The following GRID2 variants were observed in gnomAD, a reference collection of about 807,000 sequenced individuals.
GRID2 encodes the protein glutamate receptor ionotropic, delta-2.
A neutral mutation model predicts 114.8 loss-of-function variants in GRID2; 33 were observed. The observed-to-expected ratio is 0.29, with a 90% confidence interval of 0.22 to 0.38. The LOEUF (loss-of-function observed/expected upper bound fraction) is 0.38, where lower values mean the gene tolerates loss of function less well. Ranked by LOEUF, GRID2 falls within the 10% of genes least tolerant of loss-of-function variation. The pLI is 1.00. For missense variants in GRID2, 1,184 were observed against 1,257.7 expected, an observed-to-expected ratio of 0.94 and a Z score of 0.89; for synonymous variants, 505 against 449.9, an observed-to-expected ratio of 1.12 and a Z score of -1.55.
chr4:93,809,265 T>G (rs2110374606), exon 2 of GRID2: 1 of 152,312 alleles, frequency 6.6e-6, no homozygotes, highest in South Asian at 2.1e-4. Flanking sequence ...CTGATCCAAT[T>G]TGAGTTCAGT....
intron 3 of GRID2, among the ~76,000 whole-genome samples, chr4:93,099,237 A>G (rs1434708800): frequency 1.3e-5 from 2 of 151,896 alleles, no homozygotes; most frequent in East Asian, 1.9e-4. Flanking sequence ...AATCTTACTT[A>G]TAAGAAAAAT....
At chr4:93,282,816 T>C (rs1023973294) in intron 8 of GRID2, among the ~76,000 whole-genome samples, 4 of 151,980 alleles carry the variant, frequency 2.6e-5, no homozygotes, top group African/African-American at 9.7e-5. Context: ...CTGCTTTTGG[T>C]GAGGGGCTCA....
chr4:93,025,806 G>A (rs1723831808), intron 2 of GRID2, among the ~76,000 whole-genome samples: 1 of 151,514 alleles, frequency 6.6e-6, no homozygotes, highest in South Asian at 2.1e-4. Context: ...ACTGAAATTT[G>A]AACCATGATA....
chr4:92,909,690 G>T (rs1748224663), intron 2 of GRID2, among the ~76,000 whole-genome samples: 1 of 151,854 alleles, frequency 6.6e-6, no homozygotes, highest in African/African-American at 2.4e-5. Context: ...GAGCTCCTTG[G>T]GATGTCTATA....
intron 1 of GRID2, among the ~76,000 whole-genome samples, chr4:92,362,719 T>C (rs982699069): frequency 6.6e-6 from 1 of 152,036 alleles, no homozygotes; most frequent in African/African-American, 2.4e-5. Context: ...CTAAGAAGTT[T>C]TAAATCAAAA....
At chr4:92,928,617 G>A (rs1020138519) in intron 2 of GRID2, among the ~76,000 whole-genome samples, 4 of 151,506 alleles carry the variant, frequency 2.6e-5, no homozygotes, top group Admixed American at 6.6e-5. Context: ...GCATTCTTGT[G>A]ATTTATTTAA....
chr4:93,427,178 A>G (rs1312283364), intron 10 of GRID2, among the ~76,000 whole-genome samples: 1 of 152,058 alleles, frequency 6.6e-6, no homozygotes, highest in African/African-American at 2.4e-5. Context: ...ATTCAATTAC[A>G]TAATGATACT....
At chr4:93,696,368 T>C (rs1346893972) in intron 14 of GRID2, among the ~76,000 whole-genome samples, 1 of 152,214 alleles carries the variant, frequency 6.6e-6, no homozygotes, top group Non-Finnish European at 1.5e-5. Flanking sequence ...TTAACACTTT[T>C]AAAACTTATC....
chr4:93,014,167 A>G (rs959607656), intron 2 of GRID2, among the ~76,000 whole-genome samples: 5 of 152,106 alleles, frequency 3.3e-5, no homozygotes, highest in African/African-American at 4.8e-5. Context: ...TCAGGCTGCT[A>G]TGACAAAATA....
intron 2 of GRID2, among the ~76,000 whole-genome samples, chr4:92,851,605 G>A (rs1578309268): frequency 6.6e-6 from 1 of 151,812 alleles, no homozygotes; most frequent in African/African-American, 2.4e-5. Context: ...ATGCAAAAGA[G>A]GCATATCAAA....
intron 4 of GRID2, among the ~76,000 whole-genome samples, chr4:93,142,831 T>C (rs895215110): frequency 4.6e-5 from 7 of 152,230 alleles, no homozygotes; most frequent in Admixed American, 2.0e-4. Flanking sequence ...AAAAGTTTGC[T>C]GGATACTGTT....
chr4:93,443,484 A>G, intron 10 of GRID2, among the ~76,000 whole-genome samples: 1 of 152,070 alleles, frequency 6.6e-6, no homozygotes, highest in Middle Eastern at 3.4e-3. Context: ...TACAGAAACC[A>G]TAAGGCAAAA....
chr4:92,316,491 T>C (rs1413640988), intron 1 of GRID2, among the ~76,000 whole-genome samples: 6 of 152,180 alleles, frequency 3.9e-5, no homozygotes, highest in East Asian at 1.9e-4. Context: ...CATATCAATT[T>C]AGGGTTACAT....
intron 2 of GRID2, among the ~76,000 whole-genome samples, chr4:92,678,317 G>A (rs762151270): frequency 1.3e-5 from 2 of 152,004 alleles, no homozygotes; most frequent in African/African-American, 2.4e-5. Context: ...TTCGATAAGG[G>A]CAGGATTTTT....
intron 1 of GRID2, among the ~76,000 whole-genome samples, chr4:92,307,783 A>G (rs930387924): frequency 1.3e-5 from 2 of 152,196 alleles, no homozygotes; most frequent in African/African-American, 2.4e-5. Flanking sequence ...ATACACAACC[A>G]TATAGTATTT....
At chr4:92,376,346 T>C (rs1203082198) in intron 1 of GRID2, among the ~76,000 whole-genome samples, 1 of 152,048 alleles carries the variant, frequency 6.6e-6, no homozygotes, top group African/African-American at 2.4e-5. Context: ...AATGACCTCC[T>C]TCATATCTCA....
At chr4:93,567,194 C>T (rs1735507532) in intron 13 of GRID2, among the ~76,000 whole-genome samples, 2 of 152,104 alleles carry the variant, frequency 1.3e-5, no homozygotes, top group African/African-American at 4.8e-5. Context: ...GATTATTTTT[C>T]CAGCAATAAA....
intron 1 of GRID2, among the ~76,000 whole-genome samples, chr4:92,323,470 A>G (rs1016632102): frequency 4.0e-5 from 6 of 151,728 alleles, no homozygotes; most frequent in Non-Finnish European, 2.9e-5. Context: ...TTTTTTTCCT[A>G]TCTCTGTTCC....
chr4:92,310,645 A>G (rs2110109006), intron 1 of GRID2, among the ~76,000 whole-genome samples: 1 of 152,148 alleles, frequency 6.6e-6, no homozygotes, highest in South Asian at 2.1e-4. Context: ...AAGGTATTGG[A>G]CTAAATCTCA....
Sources: allele counts gnomAD v4.1 joint callset (sites outside exome capture counted in the v4.1 genomes callset), GRCh38; gene constraint gnomAD v4.1.1; transcripts MANE v1.5; gene names NCBI Gene and HGNC (gene_info 2026-07-23, HGNC 2026-07-21).